EXOC6: variants seen among roughly 807,000 people sequenced by gnomAD.
The protein encoded by EXOC6 is SEC15-like 1.
In EXOC6, 60 loss-of-function variants were observed where a neutral mutation model predicts 112.5. That is an observed-to-expected ratio of 0.53 (90% CI 0.43 to 0.66). The LOEUF (loss-of-function observed/expected upper bound fraction) is 0.66, where lower values mean the gene tolerates loss of function less well. EXOC6 is among the 30% of genes least tolerant of loss of function. The probability of loss-of-function intolerance (pLI) is 0.00; values close to 1 mark genes in which losing one functional copy is unlikely to be tolerated. For synonymous variants in EXOC6, 295 were observed against 308.0 expected, an observed-to-expected ratio of 0.96 and a Z score of 0.44; for missense variants, 855 against 957.1, an observed-to-expected ratio of 0.89 and a Z score of 1.41.
chr10:92,940,585 T>C, intron 12 of EXOC6, 142 bp from the exon 13 acceptor site: 1 of 602,646 alleles, frequency 1.7e-6, no homozygotes, highest in South Asian at 2.2e-5. Context: ...AAAGTCAAAA[T>C]GTATCTTTTT....
In EXOC6 at chr10:92,894,853, A is replaced by C. The variant is rs760571074; in HGVS notation, c.321+12A>C. 2 of 1,613,332 alleles carry C rather than the reference A, an allele frequency of 1.2e-6. No homozygotes were observed. The highest frequency in any genetic ancestry group is 1.7e-6 in the Non-Finnish European group (2 of 1,179,506). ...ATGCTGGAAAAGAGGTGAGAAAATG[A>C]TACTTTTCTGGGTATTCAGTATGTA... On this transcript the variant is annotated intron_variant, in intron 3 of 21. Coordinates refer to ENST00000260762, the MANE Select transcript of EXOC6 (RefSeq NM_019053.6).
intron 20 of EXOC6, among the ~76,000 whole-genome samples, chr10:93,026,838 G>A (rs1316170036): frequency 6.6e-6 from 1 of 152,050 alleles, no homozygotes; most frequent in Non-Finnish European, 1.5e-5. Flanking sequence ...TTCCCTAAGA[G>A]GTAACAATAT....
At chr10:92,972,469 A>C (rs757907826) in intron 17 of EXOC6, among the ~76,000 whole-genome samples, 4 of 152,184 alleles carry the variant, frequency 2.6e-5, no homozygotes, top group Non-Finnish European at 5.9e-5. Context: ...CCAAGGGATG[A>C]AATATTCATG....
intron 4 of EXOC6, among the ~76,000 whole-genome samples, chr10:92,897,285 G>A (rs910180248): frequency 6.6e-6 from 1 of 152,132 alleles, no homozygotes; most frequent in African/African-American, 2.4e-5. Flanking sequence ...TATAAGTATT[G>A]TGTTCCTAAT....
chr10:92,956,874 C>A (rs1390632281), intron 17 of EXOC6, among the ~76,000 whole-genome samples: 1 of 151,988 alleles, frequency 6.6e-6, no homozygotes, highest in East Asian at 1.9e-4. Flanking sequence ...ATTAGAGTAA[C>A]AGTACAGTAC....
intron 20 of EXOC6, among the ~76,000 whole-genome samples, chr10:93,038,058 A>C (rs1464489593): frequency 6.7e-6 from 1 of 149,832 alleles, no homozygotes; most frequent in Admixed American, 6.6e-5. Context: ...AAAAAAAAAA[A>C]AAAAAAAATT....
chr10:93,053,229 A>G (rs892806097), intron 20 of EXOC6, among the ~76,000 whole-genome samples: 1 of 152,116 alleles, frequency 6.6e-6, no homozygotes, highest in Non-Finnish European at 1.5e-5. Context: ...AGTCATCCCA[A>G]TCAAAGACCA....
intron 20 of EXOC6, among the ~76,000 whole-genome samples, chr10:93,019,548 A>T (rs1844688072): frequency 6.6e-6 from 1 of 152,184 alleles, no homozygotes; most frequent in Non-Finnish European, 1.5e-5. Flanking sequence ...AACAGGACAC[A>T]TTGAAAACAC....
chr10:92,919,801 A>C (rs1187994843), intron 7 of EXOC6, among the ~76,000 whole-genome samples, 181 bp from the exon 8 acceptor site: 1 of 152,188 alleles, frequency 6.6e-6, no homozygotes, highest in Non-Finnish European at 1.5e-5. Flanking sequence ...AAACTGCTGA[A>C]GAAATGCCAA....
chr10:93,009,052 T>C (rs1256375752), intron 19 of EXOC6, among the ~76,000 whole-genome samples: 3 of 151,882 alleles, frequency 2.0e-5, no homozygotes, highest in Non-Finnish European at 4.4e-5. Flanking sequence ...CCCCTGTCTC[T>C]ACAGAAAATA....
At chr10:92,972,565 A>G (rs1473730405) in intron 17 of EXOC6, among the ~76,000 whole-genome samples, 3 of 152,160 alleles carry the variant, frequency 2.0e-5, no homozygotes, top group African/African-American at 7.2e-5. Flanking sequence ...TAAAATTGTC[A>G]TGGCACTGGT....
chr10:93,046,694 T>C (rs1846014805), intron 20 of EXOC6, among the ~76,000 whole-genome samples: 1 of 151,628 alleles, frequency 6.6e-6, no homozygotes, highest in Non-Finnish European at 1.5e-5. Context: ...GCCTCCTGGG[T>C]TCAAGCAATT....
chr10:92,843,657 G>T (rs1216719088), upstream of EXOC6, among the ~76,000 whole-genome samples: 3 of 151,964 alleles, frequency 2.0e-5, no homozygotes, highest in African/African-American at 7.2e-5. Flanking sequence ...GACCATCCTG[G>T]CCAACATGGT....
At chr10:93,040,261 T>C (rs1845696850) in intron 20 of EXOC6, among the ~76,000 whole-genome samples, 1 of 152,200 alleles carries the variant, frequency 6.6e-6, no homozygotes, top group South Asian at 2.1e-4. Flanking sequence ...ATCCTTTTCT[T>C]TTTTTTGAGA....
At chr10:92,874,933 T>G (rs1309194948) in intron 1 of EXOC6, among the ~76,000 whole-genome samples, 1 of 152,034 alleles carries the variant, frequency 6.6e-6, no homozygotes, top group Non-Finnish European at 1.5e-5. Flanking sequence ...TTCCTGAGAG[T>G]GTATCAGATT....
At chr10:92,861,420 C>T (rs1026535745) in intron 1 of EXOC6, among the ~76,000 whole-genome samples, 1 of 152,126 alleles carries the variant, frequency 6.6e-6, no homozygotes, top group African/African-American at 2.4e-5. Flanking sequence ...CCCCAATATC[C>T]ATGGTTGTTA....
chr10:92,840,268 T>A (rs1412875150), intron 1 of EXOC6, among the ~76,000 whole-genome samples: 1 of 152,202 alleles, frequency 6.6e-6, no homozygotes, highest in East Asian at 1.9e-4. Context: ...TTGTATTAAA[T>A]CTTATTTTAT....
chr10:92,852,935 A>G (rs894784155), intron 1 of EXOC6, among the ~76,000 whole-genome samples: 1 of 151,386 alleles, frequency 6.6e-6, no homozygotes, highest in Non-Finnish European at 1.5e-5. Context: ...AAGACCATTT[A>G]AAAAAAAAGC....
intron 20 of EXOC6, among the ~76,000 whole-genome samples, chr10:93,045,737 T>A (rs1228945913): frequency 2.0e-5 from 3 of 152,240 alleles, no homozygotes; most frequent in Non-Finnish European, 4.4e-5. Flanking sequence ...TCTTTGAGCT[T>A]CATTGGTGAA....
Sources: gnomAD v4.1 joint callset for allele counts (sites outside exome capture counted in the v4.1 genomes callset) on GRCh38, gnomAD v4.1.1 for gene constraint, MANE v1.5 for transcripts, NCBI Gene and HGNC (gene_info 2026-07-23, HGNC 2026-07-21) for gene names.